The following DNAH14 variants were observed in gnomAD, a reference collection of about 807,000 sequenced individuals.
DNAH14 encodes the protein dynein axonemal heavy chain 14.
In DNAH14, 478 loss-of-function variants were observed where a neutral mutation model predicts 520.9. The observed-to-expected ratio is 0.92, with a 90% confidence interval of 0.85 to 0.99. DNAH14 has a LOEUF of 0.99. Among genes scored for constraint, DNAH14 ranks in the 50% least tolerant of loss-of-function variants. DNAH14 has a pLI of 0.00. For missense variants in DNAH14, 4,831 were observed against 5,234.5 expected (o/e 0.92, Z 2.38); for synonymous variants, 1,581 against 1,757.2 (o/e 0.90, Z 2.51).
chr1:225,247,801 C>T (rs613820), intron 43 of DNAH14, among the ~76,000 whole-genome samples: 18 of 152,094 alleles, frequency 1.2e-4, no homozygotes, highest in East Asian at 3.9e-4. Context: ...CCGAGGCAGG[C>T]GGATCACGAA....
chr1:225,232,797 T>C lies in DNAH14; in HGVS notation c.6518+1646T>C, dbSNP rs1258619154. On this transcript the variant is annotated intron_variant, in intron 42 of 85. Transcript: ENST00000682510. This position sits in a 1 kb window ranked among gnomAD's most constrained non-coding sequence, Gnocchi z 4.2. ...ATCCCTACTATTATTCTTCATGCAGTGCTTGATTCTTATTTTAAGTTCAGG... is the reference window on the plus strand; with the variant it reads ...ATCCCTACTATTATTCTTCATGCAGCGCTTGATTCTTATTTTAAGTTCAGG... 2.0e-5 allele frequency among the ~76,000 whole-genome samples: 3 copies of C among 152,214 alleles called. No individual in the cohort carries two copies. The highest frequency in any genetic ancestry group is 2.0e-4 in the Admixed American group (3 of 15,278).
At chr1:224,957,230 T>C (rs2060573306) in intron 3 of DNAH14, among the ~76,000 whole-genome samples, 1 of 152,064 alleles carries the variant, frequency 6.6e-6, no homozygotes, top group African/African-American at 2.4e-5. Context: ...CACTTTGGGC[T>C]TGCTTAAAAT....
At chr1:225,020,259 G>A (rs2065559904) in intron 10 of DNAH14, among the ~76,000 whole-genome samples, 1 of 151,912 alleles carries the variant, frequency 6.6e-6, no homozygotes. Flanking sequence ...CACTTTGGGA[G>A]GCCAAGGAAG....
intron 38 of DNAH14, among the ~76,000 whole-genome samples, chr1:225,194,392 G>A (rs1432915159): frequency 6.6e-6 from 1 of 151,890 alleles, no homozygotes; most frequent in Non-Finnish European, 1.5e-5. Context: ...TGACAAAGTT[G>A]ACAAAAAGTT....
chr1:225,191,466 T>C (rs1178487862), intron 37 of DNAH14, among the ~76,000 whole-genome samples: 1 of 152,054 alleles, frequency 6.6e-6, no homozygotes, highest in Non-Finnish European at 1.5e-5. Flanking sequence ...TCCCTTGTAT[T>C]GCCTCTCTCC....
intron 17 of DNAH14, among the ~76,000 whole-genome samples, chr1:225,072,038 G>T (rs180777294): frequency 6.6e-6 from 1 of 152,108 alleles, no homozygotes; most frequent in East Asian, 1.9e-4. Flanking sequence ...TGATCTTCTC[G>T]TGGATCTTAC....
At chr1:225,129,654 T>C (rs1465086197) in intron 27 of DNAH14, among the ~76,000 whole-genome samples, 2 of 151,832 alleles carry the variant, frequency 1.3e-5, no homozygotes, top group East Asian at 3.9e-4. Context: ...TTACACCTTA[T>C]ACAAAAATTA....
intron 42 of DNAH14, among the ~76,000 whole-genome samples, chr1:225,233,072 C>A (rs2091270705): frequency 6.6e-6 from 1 of 152,140 alleles, no homozygotes; most frequent in Non-Finnish European, 1.5e-5. Flanking sequence ...GTTTTCTGTT[C>A]CTGCATTAGT....
intron 41 of DNAH14, among the ~76,000 whole-genome samples, chr1:225,225,848 C>T (rs2090481899): frequency 6.6e-6 from 1 of 152,084 alleles, no homozygotes; most frequent in Admixed American, 6.6e-5. Context: ...TAAAACCATC[C>T]ATGGCATGCT....
intron 8 of DNAH14, among the ~76,000 whole-genome samples, chr1:224,996,796 T>G (rs749397080): frequency 4.6e-5 from 7 of 152,188 alleles, no homozygotes; most frequent in Non-Finnish European, 1.0e-4. Flanking sequence ...GACCAGCTGA[T>G]ATGCTTAGTA....
chr1:225,334,360 A>G (rs541788155), intron 66 of DNAH14, among the ~76,000 whole-genome samples: 14 of 152,308 alleles, frequency 9.2e-5, no homozygotes, highest in African/African-American at 2.6e-4. Context: ...ATGATGCTAC[A>G]TGCCTGTCAT....
chr1:224,943,114 G>A (rs2059541400), intron 1 of DNAH14, among the ~76,000 whole-genome samples: 2 of 152,182 alleles, frequency 1.3e-5, no homozygotes, highest in South Asian at 4.1e-4. Flanking sequence ...GTAGAATTCG[G>A]CTGTGAATTC....
At chr1:225,337,622 CAT>C in intron 67 of DNAH14, 126 bp downstream of exon 67, 2 of 710,438 alleles carry the variant, frequency 2.8e-6, no homozygotes, top group South Asian at 3.7e-5. Context: ...GACATACACA[CAT>C]ATATACTTAC....
chr1:225,007,656 G>T (rs552444924), intron 10 of DNAH14, 112 bp downstream of exon 10: 1 of 905,212 alleles, frequency 1.1e-6, no homozygotes, highest in East Asian at 3.9e-5. Context: ...AAGGAACAAA[G>T]GTGGTTAATT....
At chr1:225,129,182 G>T (rs2148937263) in intron 27 of DNAH14, among the ~76,000 whole-genome samples, 1 of 151,916 alleles carries the variant, frequency 6.6e-6, no homozygotes, top group South Asian at 2.1e-4. Context: ...ACAAACAAAT[G>T]GAAGAACATT....
chr1:225,103,522 G>A (rs1411774786), intron 23 of DNAH14, among the ~76,000 whole-genome samples: 1 of 152,082 alleles, frequency 6.6e-6, no homozygotes, highest in African/African-American at 2.4e-5. Flanking sequence ...CTACCCATGA[G>A]CATGGAATGT....
intron 53 of DNAH14, among the ~76,000 whole-genome samples, chr1:225,276,973 GGAAGGAAGGA>G: frequency 1.7e-5 from 1 of 59,628 alleles, no homozygotes; most frequent in South Asian, 9.4e-4. Context: ...AAGGAAGGAA[GGAAGGAAGGA>G]AGGGAGGGAG....
chr1:225,108,583 G>T (rs2148803079), intron 23 of DNAH14, among the ~76,000 whole-genome samples: 1 of 152,200 alleles, frequency 6.6e-6, no homozygotes, highest in South Asian at 2.1e-4. Flanking sequence ...AGAGCTGTTT[G>T]AACTCCATGT....
chr1:225,079,086 A>G (rs2072786769), intron 17 of DNAH14, 121 bp from the exon 18 acceptor site: 3 of 913,668 alleles, frequency 3.3e-6, no homozygotes, highest in Non-Finnish European at 5.0e-6. Context: ...AGACTAATAC[A>G]TGATGTTTTA....
Sources: gnomAD v4.1 joint callset for allele counts (sites outside exome capture counted in the v4.1 genomes callset) on GRCh38, gnomAD v4.1.1 for gene constraint, Gnocchi (gnomAD v3.1) non-coding constraint, MANE v1.5 for transcripts, NCBI Gene and HGNC (gene_info 2026-07-23, HGNC 2026-07-21) for gene names.